SLC35D2: variants seen among roughly 807,000 people sequenced by gnomAD.
The protein encoded by SLC35D2 is solute carrier family 35 member D2, also known as nucleotide sugar transporter SLC35D2.
Under a neutral mutation model 41.8 loss-of-function variants are expected in SLC35D2, and 43 were observed. That is an observed-to-expected ratio of 1.03 (90% CI 0.81 to 1.33). SLC35D2 has a LOEUF of 1.33. Among genes scored for constraint, SLC35D2 ranks in the 40% most tolerant of loss-of-function variants. The probability of loss-of-function intolerance (pLI) is 0.00; values close to 1 mark genes in which losing one functional copy is unlikely to be tolerated. For synonymous variants in SLC35D2, 150 were observed against 163.9 expected (o/e 0.92, Z 0.65); for missense variants, 380 against 408.4 (o/e 0.93, Z 0.60).
At chr9:96,377,015 C>A (rs1165982020) in intron 1 of SLC35D2, among the ~76,000 whole-genome samples, 1 of 150,756 alleles carries the variant, frequency 6.6e-6, no homozygotes, top group Non-Finnish European at 1.5e-5. Flanking sequence ...AAGACAAGTG[C>A]ATGCCAAAGT....
intron 1 of SLC35D2, 78 bp downstream of exon 1, chr9:96,383,399 C>G (rs1401772005): frequency 8.1e-7 from 1 of 1,239,372 alleles, no homozygotes; most frequent in Non-Finnish European, 1.1e-6. Flanking sequence ...CGCCCTGTCC[C>G]GGGCGCCGCT....
chr9:96,333,959 GA>G (rs1295812258), intron 9 of SLC35D2, among the ~76,000 whole-genome samples: 2 of 152,152 alleles, frequency 1.3e-5, no homozygotes, highest in Non-Finnish European at 2.9e-5. Flanking sequence ...AGAAAAATAA[GA>G]GATGGTTTGA....
intron 4 of SLC35D2, 82 bp downstream of exon 4, chr9:96,360,072 T>C (rs1381707247): frequency 1.7e-5 from 17 of 973,836 alleles, no homozygotes; most frequent in African/African-American, 6.5e-5. Context: ...GCACTATCAA[T>C]GGCAAAAATC....
chr9:96,342,683 C>T (rs773345025), intron 8 of SLC35D2, among the ~76,000 whole-genome samples: 1 of 152,132 alleles, frequency 6.6e-6, no homozygotes, highest in Non-Finnish European at 1.5e-5. Context: ...CATATAAACC[C>T]GTGGAAATGG....
downstream of SLC35D2, among the ~76,000 whole-genome samples, chr9:96,319,778 G>T (rs1228062444): frequency 6.6e-6 from 1 of 152,196 alleles, no homozygotes; most frequent in African/African-American, 2.4e-5. Flanking sequence ...GGGATTACAG[G>T]CGTGAACCGC....
intron 1 of SLC35D2, among the ~76,000 whole-genome samples, chr9:96,375,552 T>C (rs1830907496): frequency 6.6e-6 from 1 of 150,544 alleles, no homozygotes; most frequent in East Asian, 2.0e-4. Flanking sequence ...CACTCCAGCC[T>C]AGGAAACAAA....
chr9:96,338,874 T>C (rs1829178064), intron 8 of SLC35D2, among the ~76,000 whole-genome samples: 1 of 152,184 alleles, frequency 6.6e-6, no homozygotes, highest in South Asian at 2.1e-4. Context: ...ACTTAGTGTC[T>C]GAAATTAAAA....
intron 3 of SLC35D2, among the ~76,000 whole-genome samples, chr9:96,361,798 C>T (rs1193897991): frequency 6.6e-6 from 1 of 152,056 alleles, no homozygotes; most frequent in African/African-American, 2.4e-5. Flanking sequence ...AGAAGGTGGC[C>T]GTCTGTAAGC....
intron 1 of SLC35D2, among the ~76,000 whole-genome samples, chr9:96,379,621 T>C (rs1404888051): frequency 2.6e-5 from 4 of 152,162 alleles, no homozygotes; most frequent in Non-Finnish European, 4.4e-5. Context: ...CAACATTCTA[T>C]CCTCAGACAA....
intron 2 of SLC35D2, among the ~76,000 whole-genome samples, chr9:96,367,113 G>A (rs562636760): frequency 6.5e-4 from 98 of 150,966 alleles, no homozygotes; most frequent in African/African-American, 2.3e-3. Context: ...CCAGGTACTC[G>A]GGAGGCTGGG....
chr9:96,346,934 C>G (rs930077736), intron 6 of SLC35D2, among the ~76,000 whole-genome samples: 1 of 151,616 alleles, frequency 6.6e-6, no homozygotes, highest in South Asian at 2.1e-4. Context: ...GTCGGGAGTT[C>G]GAAACCAGCC....
At chr9:96,360,712 G>A (rs1587704348) in intron 3 of SLC35D2, among the ~76,000 whole-genome samples, 1 of 149,572 alleles carries the variant, frequency 6.7e-6, no homozygotes, top group East Asian at 2.0e-4. Flanking sequence ...CCCATAAGAT[G>A]TCACGACACA....
At chr9:96,375,871 A>G (rs560063552) in intron 1 of SLC35D2, among the ~76,000 whole-genome samples, 50 of 151,890 alleles carry the variant, frequency 3.3e-4, no homozygotes, top group African/African-American at 1.2e-3. Context: ...TAAAAAAATT[A>G]GCCGGGGAGT....
intron 9 of SLC35D2, among the ~76,000 whole-genome samples, chr9:96,324,670 A>G (rs190459652): frequency 1.4e-3 from 208 of 151,040 alleles, no homozygotes; most frequent in African/African-American, 4.5e-3. Flanking sequence ...CTCCTGCCTC[A>G]GCCTTCCAAG....
At chr9:96,318,421 G>A (rs993051414), downstream of SLC35D2, among the ~76,000 whole-genome samples, 26 of 152,146 alleles carry the variant, frequency 1.7e-4, no homozygotes, top group Non-Finnish European at 2.9e-5. Flanking sequence ...TCATGCAACT[G>A]CACTACAGCC....
In SLC35D2 at chr9:96,332,797, T is replaced by C. The variant is rs563092055; in HGVS notation, c.752+3920A>G. Among the ~76,000 whole-genome samples the C allele has an allele frequency of 4.0e-5, 6 of 151,784 alleles. No individual in the cohort carries two copies. The East Asian group carries it at 5.8e-4, about 15-fold the overall frequency. ...CCATCTTAAAACAAAAAAGACCCAC[T>C]TTGGAAACTAACATCCACCTTGTTT... On this transcript the variant is annotated intron_variant, in intron 9 of 11. Transcript: ENST00000253270.
chr9:96,374,487 T>C (rs184346967), intron 1 of SLC35D2, among the ~76,000 whole-genome samples: 1 of 143,182 alleles, frequency 7.0e-6, no homozygotes, highest in Admixed American at 7.3e-5. Context: ...TGAGTCGAAA[T>C]CGTGCCACTG....
At chr9:96,371,474 CAAAAAAAAAAAAAAAAA>C (rs539576375) in intron 1 of SLC35D2, among the ~76,000 whole-genome samples, 2 of 46,648 alleles carry the variant, frequency 4.3e-5, no homozygotes, top group South Asian at 1.4e-3. Context: ...GACTCTGTCT[CAAAAAAAAAAAAAAAAA>C]AAAAAAAAAA....
chr9:96,325,072 G>A (rs1828459921), intron 9 of SLC35D2, among the ~76,000 whole-genome samples: 1 of 152,234 alleles, frequency 6.6e-6, no homozygotes, highest in African/African-American at 2.4e-5. Flanking sequence ...TGTGGATAAT[G>A]CTCCTGTAAC....
Sources: gnomAD v4.1 joint callset for allele counts (sites outside exome capture counted in the v4.1 genomes callset) on GRCh38, gnomAD v4.1.1 for gene constraint, MANE v1.5 for transcripts, NCBI Gene and HGNC (gene_info 2026-07-23, HGNC 2026-07-21) for gene names.